The following YBX2 variants were observed in gnomAD, a reference collection of about 807,000 sequenced individuals.
The protein encoded by YBX2 is Y-box binding protein 2, also known as Y-box-binding protein 2.
YBX2 carries 5 observed loss-of-function variants against 44.4 expected under a neutral mutation model. The observed-to-expected ratio is 0.11, with a 90% confidence interval of 0.06 to 0.24. The LOEUF (loss-of-function observed/expected upper bound fraction) is 0.24. YBX2 is among the 10% of genes least tolerant of loss of function. YBX2 has a pLI of 1.00. For missense variants in YBX2, 417 were observed against 526.9 expected (o/e 0.79, Z 2.04); for synonymous variants, 188 against 216.1 (o/e 0.87, Z 1.14).
rs1033747721 is a variant in YBX2, at chr17:7,294,594, G to A, written c.-94C>T. ...GCCCTGCTCGGTCCTCGCGCCCCGA[G>A]CCTCGCCCACACGCCGGCAGCGGGC... is the stretch of plus-strand genomic sequence containing the variant. On this transcript the variant is annotated 5_prime_UTR_variant, in exon 1 of 9. Transcript: ENST00000007699. The surrounding 1 kb of genome is among the most constrained non-coding windows in gnomAD (Gnocchi z 4.6). 1 of 1,224,874 alleles carries A rather than the reference G, an allele frequency of 8.2e-7. No individual in the cohort carries two copies. The highest frequency in any genetic ancestry group is 1.6e-5 in the African/African-American group (1 of 61,994). The allele number at this position is 1,224,874 out of a possible 1,614,324, so 75.9% of individuals were successfully genotyped here. A position where few individuals can be genotyped will look rare whatever the true frequency, so the allele number is the denominator to read the frequency against.
At position 7,294,190 on chromosome 17, in the gene YBX2, C is replaced by G; in HGVS notation, c.271+40G>C. On this transcript the variant is annotated intron_variant, in intron 1 of 8. Transcript: ENST00000007699. This position sits in a 1 kb window ranked among gnomAD's most constrained non-coding sequence, Gnocchi z 4.6. ...TCCACACTGCCCCTCCCCCAGCCCGCCGACCCCTCAGAGCCGCCCTGTGCG... is the reference window on the plus strand; with the variant it reads ...TCCACACTGCCCCTCCCCCAGCCCGGCGACCCCTCAGAGCCGCCCTGTGCG... 8.0e-7 allele frequency: 1 copy of G among 1,249,308 alleles called. No individual in the cohort carries two copies. Among genetic ancestry groups the G allele is most frequent in the Non-Finnish European group, 1.0e-6 (1 of 1,000,276 alleles). The allele number at this position is 1,249,308 out of a possible 1,614,324, so 77.4% of individuals were successfully genotyped here.
chr17:7,289,474 G>A (rs2072481961), intron 7 of YBX2, 56 bp downstream of exon 7: 2 of 1,552,634 alleles, frequency 1.3e-6, no homozygotes, highest in East Asian at 2.4e-5. Flanking sequence ...AAAGGAGCAG[G>A]TGGGGGAGGG....
intron 2 of YBX2, 189 bp from the exon 3 acceptor site, chr17:7,292,248 A>G (rs1019052525): frequency 5.9e-6 from 4 of 676,164 alleles, no homozygotes; most frequent in Non-Finnish European, 1.0e-5. Context: ...GTAAAGAGAG[A>G]TACACCTAAA....
chr17:7,289,811 C>G (rs2072486386), intron 6 of YBX2, 86 bp from the exon 7 acceptor site: 1 of 1,597,508 alleles, frequency 6.3e-7, no homozygotes, highest in Admixed American at 1.7e-5. Flanking sequence ...CCTCCAGGAG[C>G]CAGGCTTCCA....
At chr17:7,293,757 G>T in intron 1 of YBX2, 1 of 888,762 alleles carries the variant, frequency 1.1e-6, no homozygotes, top group Non-Finnish European at 1.7e-6. Context: ...CTTTCAAAAA[G>T]CCTTCCAACT....
chr17:7,292,203 G>T, intron 2 of YBX2, 144 bp from the exon 3 acceptor site: 1 of 924,546 alleles, frequency 1.1e-6, no homozygotes. Context: ...CCTGGGGAAT[G>T]GGAGGGAGAG....
Position 7,294,168 on chromosome 17 carries a change from A to G in YBX2, c.271+62T>C. On this transcript the variant is annotated intron_variant, in intron 1 of 8. Coordinates refer to ENST00000007699, the MANE Select transcript of YBX2 (RefSeq NM_015982.4). This position sits in a 1 kb window ranked among gnomAD's most constrained non-coding sequence, Gnocchi z 4.6. ...GGTTTTCCGGATCCTGCCGGGCTCC[A>G]CACTGCCCCTCCCCCAGCCCGCCGA... 1 of 1,243,214 alleles carries G rather than the reference A, an allele frequency of 8.0e-7. No individual in the cohort carries two copies. Among genetic ancestry groups the G allele is most frequent in the Non-Finnish European group, 1.0e-6 (1 of 996,312 alleles). The allele number at this position is 1,243,214 out of a possible 1,614,324, so 77.0% of individuals were successfully genotyped here. A position where few individuals can be genotyped will look rare whatever the true frequency, so the allele number is the denominator to read the frequency against.
Position 7,290,063 on chromosome 17 carries a change from G to A in YBX2, c.753C>T (p.Asp251=), listed in dbSNP as rs757988859. 2.5e-6 allele frequency: 4 copies of A among 1,614,248 alleles called. No homozygotes were observed. The highest frequency in any genetic ancestry group is 3.4e-6 in the Non-Finnish European group (4 of 1,180,030). Residue 251 remains aspartate (D), a synonymous_variant, in exon 6 of 9, where the codon GAC becomes GAT. Transcript: ENST00000007699. ...PNQQQPIEGT[D]RVEPKETAPL... is the part of the protein sequence containing the mutation. ...GGGCTGTCTCTTTGGGTTCTACCCT[G>A]TCAGTGCCCTGGGAACATGCAAAGG...
rs1439381674 is a variant in YBX2 at position 7,289,654 on chromosome 17, C to T, written c.920G>A (p.Gly307Asp). ...GGDGETKPSQ[G>D]PADGSRPEPQ... Reference sequence around the variant, plus strand: ...CTCAGGCCGGGAACCATCAGCGGGACCTTGGCTGGGCTTGGTCTCACCATC... The same window carrying T: ...CTCAGGCCGGGAACCATCAGCGGGATCTTGGCTGGGCTTGGTCTCACCATC... The change falls in exon 7 of 9, where the codon GGT (glycine) becomes GAT (aspartate). Residue 307 changes from glycine (G) to aspartate (D), a missense_variant. Coordinates refer to ENST00000007699, the MANE Select transcript of YBX2 (RefSeq NM_015982.4). The T allele has an allele frequency of 6.2e-7, 1 of 1,614,082 alleles. No individual in the cohort carries two copies. The highest frequency in any genetic ancestry group is 1.1e-5 in the South Asian group (1 of 91,086).
In YBX2 at chr17:7,293,462, G is replaced by A. The variant is rs777319721; in HGVS notation, c.335+13C>T. ...GACACCCATTCCACCCCCGCCCTGG[G>A]TTCCTTGGATACCTGTTGATGAATC... On this transcript the variant is annotated intron_variant, in intron 2 of 8. Coordinates refer to ENST00000007699, the MANE Select transcript of YBX2 (RefSeq NM_015982.4). 2 of 1,614,022 alleles carry A rather than the reference G, an allele frequency of 1.2e-6. No individual in the cohort carries two copies. The highest frequency in any genetic ancestry group is 2.2e-5 in the South Asian group (2 of 91,068).
At chr17:7,288,951 C>G in intron 7 of YBX2, 113 bp from the exon 8 acceptor site, 1 of 1,331,720 alleles carries the variant, frequency 7.5e-7, no homozygotes, top group South Asian at 1.2e-5. Flanking sequence ...CAAACTCCCC[C>G]TCCCAGTTCA....
rs1336997430 is a variant in YBX2 at position 7,288,784 on chromosome 17, G to A, written c.*4C>T. 2 of 1,614,028 alleles carry A rather than the reference G, an allele frequency of 1.2e-6. No homozygotes were observed. The highest frequency in any genetic ancestry group is 1.7e-6 in the Non-Finnish European group (2 of 1,179,930). ...CTCTGGGTGTCCTCTGAGTTGAGTT[G>A]GAATCACTCCAGGATGGTGGTGGTG... On this transcript the variant is annotated 3_prime_UTR_variant, in exon 8 of 9. Transcript: ENST00000007699.
In YBX2 at chr17:7,294,464, C is replaced by T; in HGVS notation, c.37G>A (p.Val13Ile). Residue 13 changes from valine to isoleucine, a missense_variant, in exon 1 of 9, where the codon GTC (valine) becomes ATC (isoleucine). Transcript: ENST00000007699. This position sits in a 1 kb window ranked among gnomAD's most constrained non-coding sequence, Gnocchi z 4.6. ...EVEAAAGATA[V>I]PAATVPATAA... ...GTCGCGGGCACCGTCGCCGCGGGGA[C>T]CGCTGTAGCCCCCGCTGCCGCCTCC... is the stretch of plus-strand genomic sequence containing the variant. 6.8e-7 allele frequency: 1 copy of T among 1,476,564 alleles called. No homozygotes were observed. The allele number at this position is 1,476,564 out of a possible 1,614,324, so 91.5% of individuals were successfully genotyped here. A position where few individuals can be genotyped will look rare whatever the true frequency, so the allele number is the denominator to read the frequency against.
rs894364402 is a variant in YBX2 at position 7,289,956 on chromosome 17, G to A, written c.848+12C>T. 1.9e-6 allele frequency: 3 copies of A among 1,613,378 alleles called. No individual in the cohort carries two copies. Among genetic ancestry groups the A allele is most frequent in the South Asian group, 2.2e-5 (2 of 91,062 alleles). ...GGAAGGGGAAGACCAAGCCCCAGCA[G>A]GGGGGTCTTACCTTCGGTACCTGGG... On this transcript the variant is annotated intron_variant, in intron 6 of 8. Transcript: ENST00000007699.
chr17:7,289,591 C>G lies in YBX2; in HGVS notation c.983G>C (p.Arg328Thr). 6.2e-7 allele frequency: 1 copy of G among 1,613,586 alleles called. No homozygotes were observed. The highest frequency in any genetic ancestry group is 8.5e-7 in the Non-Finnish European group (1 of 1,179,806). ...CTGGGGGCCAGGGGCCTGCTGCCGT[C>G]TCCGCTGGAAGTAGGGGCGGTTTCG... ...RPRNRPYFQR[R>T]RQQAPGPQQA... The change falls in exon 7 of 9, where the codon AGA becomes ACA. Residue 328 changes from arginine (R) to threonine (T), a missense_variant. Arg to Thr is a moderately conservative substitution (Grantham distance 71). Coordinates refer to ENST00000007699, the MANE Select transcript of YBX2 (RefSeq NM_015982.4).
At position 7,291,813 on chromosome 17, in the gene YBX2, C is replaced by G; in HGVS notation, c.369+213G>C. The G allele has an allele frequency of 1.6e-6, 1 of 615,602 alleles. No individual in the cohort carries two copies. Among genetic ancestry groups the G allele is most frequent in the East Asian group, 2.9e-5 (1 of 34,970 alleles). The allele number at this position is 615,602 out of a possible 1,614,324, so 38.1% of individuals were successfully genotyped here. A position where few individuals can be genotyped will look rare whatever the true frequency, so the allele number is the denominator to read the frequency against. On this transcript the variant is annotated intron_variant, in intron 3 of 8. Transcript: ENST00000007699. The surrounding 1 kb of genome is among the most constrained non-coding windows in gnomAD (Gnocchi z 5.8). The stretch of plus-strand genomic sequence containing the variant: ...TTAACAGGTCCCGGTGGGTAGTAAG[C>G]GTGCCATGCCCAGGGGTAACATGCT...
Position 7,291,797 on chromosome 17 carries a change from C to T in YBX2, c.369+229G>A, listed in dbSNP as rs1405595251. On this transcript the variant is annotated intron_variant, in intron 3 of 8. Coordinates refer to ENST00000007699, the MANE Select transcript of YBX2 (RefSeq NM_015982.4). This position sits in a 1 kb window ranked among gnomAD's most constrained non-coding sequence, Gnocchi z 5.8. ...AGTGCTTCCTGGAGTGTTAACAGGTCCCGGTGGGTAGTAAGCGTGCCATGC... is the reference window on the plus strand; with the variant it reads ...AGTGCTTCCTGGAGTGTTAACAGGTTCCGGTGGGTAGTAAGCGTGCCATGC... 1.7e-6 allele frequency: 1 copy of T among 582,400 alleles called. No individual in the cohort carries two copies. Among genetic ancestry groups the T allele is most frequent in the Non-Finnish European group, 3.1e-6 (1 of 323,170 alleles). The allele number at this position is 582,400 out of a possible 1,614,324, so 36.1% of individuals were successfully genotyped here.
At chr17:7,293,399 G>A (rs1442578775) in intron 2 of YBX2, 76 bp downstream of exon 2, 13 of 1,606,940 alleles carry the variant, frequency 8.1e-6, no homozygotes, top group Non-Finnish European at 1.0e-5. Context: ...GGGTCGATGA[G>A]GTTGGGCGGG....
intron 5 of YBX2, 55 bp downstream of exon 5, chr17:7,290,196 C>G: frequency 6.2e-7 from 1 of 1,609,210 alleles, no homozygotes; most frequent in Non-Finnish European, 8.5e-7. Flanking sequence ...TATCCTAACT[C>G]CCACTCCTCT....
Sources: allele counts gnomAD v4.1 joint callset, GRCh38; gene constraint gnomAD v4.1.1; non-coding constraint Gnocchi (gnomAD v3.1); transcripts MANE v1.5; gene names NCBI Gene and HGNC (gene_info 2026-07-23, HGNC 2026-07-21).